The following CSNK1G1 variants were observed in gnomAD, a reference collection of about 807,000 sequenced individuals.
CSNK1G1 encodes the protein casein kinase 1 gamma 1.
A neutral mutation model predicts 59.6 loss-of-function variants in CSNK1G1; 22 were observed. That is an observed-to-expected ratio of 0.37 (90% confidence interval 0.26 to 0.53). The LOEUF (loss-of-function observed/expected upper bound fraction) is 0.53, where lower values mean the gene tolerates loss of function less well. CSNK1G1 is among the 20% of genes least tolerant of loss of function. The probability of loss-of-function intolerance (pLI) is 0.89; values close to 1 mark genes in which losing one functional copy is unlikely to be tolerated. For missense variants in CSNK1G1, 384 were observed against 519.5 expected (o/e 0.74, Z 2.54); for synonymous variants, 179 against 177.1 (o/e 1.01, Z -0.08).
In CSNK1G1 at chr15:64,188,475, G is replaced by A. The variant is rs2081927321; in HGVS notation, c.1108-8021C>T. On this transcript the variant is annotated intron_variant, in intron 10 of 11. Coordinates refer to ENST00000303052, the MANE Select transcript of CSNK1G1 (RefSeq NM_022048.5). This position sits in a 1 kb window ranked among gnomAD's most constrained non-coding sequence, Gnocchi z 4.2. ...AATTTCCCACTCTCCTCGGCGCTCT[G>A]ATGATACATTCTGCTTAGGCGTTAG... 6.5e-7 allele frequency: 1 copy of A among 1,535,964 alleles called. No homozygotes were observed. The highest frequency in any genetic ancestry group is 8.7e-7 in the Non-Finnish European group (1 of 1,146,766).
chr15:64,226,341 C>T (rs995380088), intron 4 of CSNK1G1, among the ~76,000 whole-genome samples: 6 of 151,920 alleles, frequency 3.9e-5, no homozygotes, highest in South Asian at 2.1e-4. Flanking sequence ...GTATGGATCA[C>T]GAGGTCAGGA....
At chr15:64,174,052 C>G (rs4776960) in intron 11 of CSNK1G1, among the ~76,000 whole-genome samples, 152,366 of 152,366 alleles carry the variant, frequency 1, 76,183 homozygotes, top group Non-Finnish European at 1. Context: ...ATGATTTTCA[C>G]AGGTATTACT....
At chr15:64,306,446 A>G (rs1253263709) in intron 1 of CSNK1G1, among the ~76,000 whole-genome samples, 1 of 152,188 alleles carries the variant, frequency 6.6e-6, no homozygotes, top group Non-Finnish European at 1.5e-5. Context: ...ACCACTATAC[A>G]CTTATTAGAA....
intron 4 of CSNK1G1, among the ~76,000 whole-genome samples, chr15:64,239,616 C>T (rs138603924): frequency 1.3e-5 from 2 of 152,158 alleles, no homozygotes; most frequent in Non-Finnish European, 2.9e-5. Context: ...TGAGCTCCAT[C>T]GATCCACTTG....
chr15:64,192,839 C>CT (rs1596072208), intron 10 of CSNK1G1, among the ~76,000 whole-genome samples: 4 of 58,950 alleles, frequency 6.8e-5, no homozygotes, highest in East Asian at 8.5e-4. Flanking sequence ...TGAGATCTGC[C>CT]TAAAAAAAAA....
At chr15:64,222,287 G>T (rs1406282981) in intron 4 of CSNK1G1, among the ~76,000 whole-genome samples, 1 of 150,040 alleles carries the variant, frequency 6.7e-6, no homozygotes, top group East Asian at 2.0e-4. Context: ...TGGATGGGGG[G>T]TCGGGGGAGG....
intron 1 of CSNK1G1, among the ~76,000 whole-genome samples, chr15:64,314,858 A>G (rs1360131155): frequency 6.6e-6 from 1 of 152,130 alleles, no homozygotes; most frequent in East Asian, 1.9e-4. Flanking sequence ...GTGTGTGTAC[A>G]TTTTCTTTAT....
chr15:64,207,441 G>A (rs2082197269), intron 7 of CSNK1G1, 68 bp downstream of exon 7: 1 of 1,199,476 alleles, frequency 8.3e-7, no homozygotes, highest in Non-Finnish European at 1.2e-6. Context: ...AAAACATGAA[G>A]CCAGAGGCTC....
At chr15:64,201,343 C>T (rs1392222565) in intron 10 of CSNK1G1, among the ~76,000 whole-genome samples, 4 of 151,022 alleles carry the variant, frequency 2.6e-5, no homozygotes, top group African/African-American at 9.7e-5. Context: ...TTGTACAATT[C>T]GTAAAATCAA....
intron 1 of CSNK1G1, among the ~76,000 whole-genome samples, chr15:64,323,790 T>C (rs189019420): frequency 6.6e-6 from 1 of 152,194 alleles, no homozygotes; most frequent in African/African-American, 2.4e-5. Flanking sequence ...TCTATAGCTA[T>C]GTGGAAATGC....
At chr15:64,258,929 G>A (rs1892541049) in intron 3 of CSNK1G1, among the ~76,000 whole-genome samples, 1 of 152,020 alleles carries the variant, frequency 6.6e-6, no homozygotes, top group Admixed American at 6.6e-5. Flanking sequence ...AGTTCACAGA[G>A]TTACTAGTTC....
chr15:64,184,289 C>T (rs984466999), intron 10 of CSNK1G1, among the ~76,000 whole-genome samples: 3 of 151,260 alleles, frequency 2.0e-5, no homozygotes, highest in African/African-American at 4.9e-5. Context: ...GGTGACAGAG[C>T]GAGACTTCGT....
intron 10 of CSNK1G1, among the ~76,000 whole-genome samples, chr15:64,198,790 T>C (rs1035282824): frequency 1.3e-5 from 2 of 150,666 alleles, no homozygotes; most frequent in African/African-American, 4.9e-5. Context: ...AATATTAACA[T>C]AGACCAAAGG....
chr15:64,306,700 T>C (rs984286766), intron 1 of CSNK1G1, among the ~76,000 whole-genome samples: 4 of 152,216 alleles, frequency 2.6e-5, no homozygotes, highest in African/African-American at 9.6e-5. Flanking sequence ...AGCAGCTTCA[T>C]TTGTAGTTGT....
At chr15:64,236,877 T>G (rs550894163) in intron 4 of CSNK1G1, among the ~76,000 whole-genome samples, 7 of 152,296 alleles carry the variant, frequency 4.6e-5, no homozygotes, top group African/African-American at 1.7e-4. Context: ...AGCAAAGATA[T>G]GGAATTAACC....
chr15:64,288,255 C>G (rs972453422), intron 2 of CSNK1G1, among the ~76,000 whole-genome samples: 5 of 151,836 alleles, frequency 3.3e-5, no homozygotes, highest in African/African-American at 1.2e-4. Flanking sequence ...ACTTCCACAG[C>G]CATAAAGCTG....
intron 2 of CSNK1G1, among the ~76,000 whole-genome samples, chr15:64,296,576 T>C (rs1446587732): frequency 6.6e-6 from 1 of 152,160 alleles, no homozygotes; most frequent in African/African-American, 2.4e-5. Context: ...GTTAAATGTA[T>C]GATGAAGGCT....
intron 1 of CSNK1G1, among the ~76,000 whole-genome samples, chr15:64,327,636 C>T (rs1258296060): frequency 7.3e-5 from 11 of 151,650 alleles, no homozygotes; most frequent in African/African-American, 1.5e-4. Context: ...TCCAAAGGAA[C>T]GCAGTTCCTC....
intron 10 of CSNK1G1, among the ~76,000 whole-genome samples, chr15:64,199,940 T>C (rs2082087225): frequency 6.6e-6 from 1 of 152,092 alleles, no homozygotes; most frequent in South Asian, 2.1e-4. Flanking sequence ...AAATAAAAAA[T>C]ATTCTAAAAA....
Sources: gnomAD v4.1 joint callset for allele counts (sites outside exome capture counted in the v4.1 genomes callset) on GRCh38, gnomAD v4.1.1 for gene constraint, Gnocchi (gnomAD v3.1) non-coding constraint, MANE v1.5 for transcripts, NCBI Gene and HGNC (gene_info 2026-07-23, HGNC 2026-07-21) for gene names.